The following KEAP1 variants were observed in gnomAD, a reference collection of about 807,000 sequenced individuals.
KEAP1 encodes kelch-like ECH-associated protein 1.
KEAP1 carries 26 observed loss-of-function variants against 59.7 expected under a neutral mutation model. That is an observed-to-expected ratio of 0.44 (90% CI 0.32 to 0.60). KEAP1 has a LOEUF of 0.60. KEAP1 is among the 20% of genes least tolerant of loss of function. KEAP1 has a pLI of 0.06. For missense variants in KEAP1, 539 were observed against 871.4 expected (o/e 0.62, Z 4.80); for synonymous variants, 350 against 358.3 (o/e 0.98, Z 0.26).
intron 1 of KEAP1, among the ~76,000 whole-genome samples, chr19:10,500,557 C>A (rs1915007086): frequency 6.6e-6 from 1 of 152,116 alleles, no homozygotes; most frequent in Non-Finnish European, 1.5e-5. Context: ...TCCTACCCTG[C>A]CAGAGCTGAC....
rs1415995350 is a variant in KEAP1, at chr19:10,491,926, G to A, written c.976C>T (p.Arg326Cys). The change falls in exon 3 of 6, where the codon CGC becomes TGC. Residue 326 changes from arginine (R) to cysteine (C), a missense_variant. This residue lies in a region of KEAP1 where 311 missense variants were observed against 425.2 expected (regional missense o/e 0.73). Transcript: ENST00000171111. This position sits in a 1 kb window ranked among gnomAD's most constrained non-coding sequence, Gnocchi z 5.2. ...TAGCCGCCCGCGGTGTAGATCAGGCGGCCCACCTTGGGCGCCCGGCAGGGC... is the reference window on the plus strand; with the variant it reads ...TAGCCGCCCGCGGTGTAGATCAGGCAGCCCACCTTGGGCGCCCGGCAGGGC... The part of the protein sequence containing the change: ...VMPCRAPKVG[R>C]LIYTAGGYFR... 4 of 1,567,720 alleles carry A rather than the reference G, an allele frequency of 2.6e-6. No individual in the cohort carries two copies. Among genetic ancestry groups the A allele is most frequent in the Non-Finnish European group, 2.6e-6 (3 of 1,155,140 alleles).
intron 5 of KEAP1, among the ~76,000 whole-genome samples, chr19:10,487,578 C>T (rs1293474320): frequency 6.6e-6 from 1 of 151,884 alleles, no homozygotes; most frequent in Non-Finnish European, 1.5e-5. Context: ...ATCGCTTGAA[C>T]CCGGGAGGCG....
At chr19:10,498,135 G>A (rs896004464) in intron 2 of KEAP1, among the ~76,000 whole-genome samples, 4 of 151,582 alleles carry the variant, frequency 2.6e-5, no homozygotes, top group Admixed American at 6.6e-5. Flanking sequence ...CCCGACCGCA[G>A]GTGATCTGCC....
At chr19:10,486,943 T>C (rs1390448243) in intron 5 of KEAP1, 125 bp from the exon 6 acceptor site, 2 of 949,148 alleles carry the variant, frequency 2.1e-6, no homozygotes, top group African/African-American at 3.4e-5. Flanking sequence ...ACGCCTATAA[T>C]CCTAGCACTT....
chr19:10,489,623 TC>T (rs1914598827), intron 4 of KEAP1, 24 bp downstream of exon 4: 1 of 1,609,904 alleles, frequency 6.2e-7, no homozygotes, highest in East Asian at 2.2e-5. Flanking sequence ...TCCTGGGTGC[TC>T]CCCTCCCTAC....
At chr19:10,493,267 T>G (rs940868983) in intron 2 of KEAP1, among the ~76,000 whole-genome samples, 6 of 151,934 alleles carry the variant, frequency 3.9e-5, no homozygotes, top group African/African-American at 1.2e-4. Flanking sequence ...CACGCCATTC[T>G]CCTGCCTCAG....
intron 5 of KEAP1, 40 bp from the exon 6 acceptor site, chr19:10,486,858 C>A (rs771690707): frequency 6.3e-7 from 1 of 1,587,878 alleles, no homozygotes; most frequent in Middle Eastern, 1.7e-4. Flanking sequence ...ACCTGTCACA[C>A]CACATCCAAG....
intron 4 of KEAP1, 98 bp downstream of exon 4, chr19:10,489,550 G>C (rs1838008257): frequency 7.1e-7 from 1 of 1,399,704 alleles, no homozygotes; most frequent in South Asian, 1.2e-5. Flanking sequence ...CCCAGCATGA[G>C]GGTTGCAACA....
At chr19:10,500,571 T>C (rs552047090) in intron 1 of KEAP1, among the ~76,000 whole-genome samples, 3 of 152,118 alleles carry the variant, frequency 2.0e-5, no homozygotes, top group Admixed American at 6.6e-5. Context: ...AGCTGACAAC[T>C]GCAGGGAGGA....
At chr19:10,498,517 A>G (rs547195157) in intron 2 of KEAP1, among the ~76,000 whole-genome samples, 26 of 152,058 alleles carry the variant, frequency 1.7e-4, no homozygotes, top group African/African-American at 6.0e-4. Context: ...CTCTCTTGTC[A>G]ATTTCTATAG....
At chr19:10,493,718 T>TAC (rs1914758868) in intron 2 of KEAP1, among the ~76,000 whole-genome samples, 1 of 151,190 alleles carries the variant, frequency 6.6e-6, no homozygotes, top group Non-Finnish European at 1.5e-5. Context: ...CCCACCACCG[T>TAC]GCCTGGCTAA....
At chr19:10,495,596 G>A (rs1481646687) in intron 2 of KEAP1, among the ~76,000 whole-genome samples, 2 of 152,030 alleles carry the variant, frequency 1.3e-5, no homozygotes, top group Non-Finnish European at 2.9e-5. Flanking sequence ...TACTGAGGAG[G>A]CTGAGGCAGG....
At position 10,491,729 on chromosome 19, in the gene KEAP1, G is replaced by C. The variant is rs2144597961; in HGVS notation, c.1173C>G (p.Ser391Arg). Residue 391 changes from serine (S) to arginine (R), a missense_variant, in exon 3 of 6, where the codon AGC (serine) becomes AGG (arginine). By Grantham distance (110) the Ser-to-Arg change is moderately radical. Transcript: ENST00000171111. The surrounding 1 kb of genome is among the most constrained non-coding windows in gnomAD (Gnocchi z 5.2). ...NNSPDGNTDS[S>R]ALDCYNPMTN... ...TCATGGGGTTGTAACAGTCCAGGGCGCTGGAGTCGGTGTTGCCGTCGGGCG... is the reference window on the plus strand; with the variant it reads ...TCATGGGGTTGTAACAGTCCAGGGCCCTGGAGTCGGTGTTGCCGTCGGGCG... 2 of 1,567,702 alleles carry C rather than the reference G, an allele frequency of 1.3e-6. No homozygotes were observed. Among genetic ancestry groups the C allele is most frequent in the Non-Finnish European group, 1.7e-6 (2 of 1,156,346 alleles).
chr19:10,490,136 C>T (rs1369509872), intron 3 of KEAP1, among the ~76,000 whole-genome samples: 2 of 151,642 alleles, frequency 1.3e-5, no homozygotes, highest in African/African-American at 2.4e-5. Context: ...CCTGTAATCC[C>T]AGCTACTCGG....
Position 10,499,452 on chromosome 19 carries a change from A to G in KEAP1, c.582T>C (p.Ile194=). 1 of 1,614,034 alleles carries G rather than the reference A, an allele frequency of 6.2e-7. No individual in the cohort carries two copies. The highest frequency in any genetic ancestry group is 8.5e-7 in the Non-Finnish European group (1 of 1,180,000). Residue 194 remains isoleucine, a synonymous_variant, in exon 2 of 6, where the codon ATT becomes ATC. Coordinates refer to ENST00000171111, the MANE Select transcript of KEAP1 (RefSeq NM_203500.2). This position sits in a 1 kb window ranked among gnomAD's most constrained non-coding sequence, Gnocchi z 6.7. ...AIGIANFAEQ[I]GCVELHQRAR... ...CACGCTGGTGCAACTCCACACAGCC[A>G]ATCTGCTCAGCGAAGTTGGCGATGC...
intron 5 of KEAP1, among the ~76,000 whole-genome samples, chr19:10,487,036 T>TAA (rs35072591): frequency 7.6e-5 from 7 of 91,990 alleles, no homozygotes; most frequent in Admixed American, 1.2e-4. Context: ...AGTCTCTTAC[T>TAA]AAAAAAAAAA....
chr19:10,493,441 C>A (rs1368817578), intron 2 of KEAP1, among the ~76,000 whole-genome samples: 3 of 151,828 alleles, frequency 2.0e-5, no homozygotes, highest in South Asian at 2.1e-4. Flanking sequence ...GGATTACAGG[C>A]GTGAGCCACC....
At position 10,500,006 on chromosome 19, in the gene KEAP1, C is replaced by T. The variant is rs757488752; in HGVS notation, c.28G>A (p.Ala10Thr). The T allele has an allele frequency of 1.1e-5, 17 of 1,564,890 alleles. No individual in the cohort carries two copies. Among genetic ancestry groups the T allele is most frequent in the Non-Finnish European group, 1.7e-6 (2 of 1,151,690 alleles). ...GGCAGGAATCGGCAGCAGGCCCCAG[C>T]CCCGCTAGGCCTGGGATCTGGCTGC... is the stretch of plus-strand genomic sequence containing the variant. MQPDPRPSG[A>T]GACCRFLPLQ... is the part of the protein sequence containing the mutation. The change falls in exon 2 of 6, where the codon GCT becomes ACT. Residue 10 changes from alanine (A) to threonine (T), a missense_variant. Around this residue, in one of 4 missense-constraint regions of KEAP1, gnomAD observed 166 missense variants for 295.8 expected, o/e 0.56. Transcript: ENST00000171111.
At chr19:10,487,824 C>CACAAAA (rs1384886867) in intron 5 of KEAP1, among the ~76,000 whole-genome samples, 2 of 151,640 alleles carry the variant, frequency 1.3e-5, no homozygotes, top group African/African-American at 4.8e-5. Context: ...TGTGAAACCC[C>CACAAAA]GTCTCTACTA....
Sources: gnomAD v4.1 joint callset for allele counts (sites outside exome capture counted in the v4.1 genomes callset) on GRCh38, gnomAD v4.1.1 for gene constraint, gnomAD v4.1.1 regional missense constraint, Gnocchi (gnomAD v3.1) non-coding constraint, MANE v1.5 for transcripts, NCBI Gene and HGNC (gene_info 2026-07-23, HGNC 2026-07-21) for gene names.